TTC7A: variants seen among roughly 807,000 people sequenced by gnomAD.
The protein encoded by TTC7A is tetratricopeptide repeat domain 7A, also known as tetratricopeptide repeat protein 7A.
TTC7A carries 110 observed loss-of-function variants against 103.7 expected under a neutral mutation model. That is an observed-to-expected ratio of 1.06 (90% CI 0.91 to 1.24). The LOEUF is 1.24. TTC7A is among the 50% of genes most tolerant of loss of function. The probability of loss-of-function intolerance (pLI) is 0.00; values close to 1 mark genes in which losing one functional copy is unlikely to be tolerated. For missense variants in TTC7A, 1,340 were observed against 1,116.3 expected, an observed-to-expected ratio of 1.20 and a Z score of -2.86; for synonymous variants, 521 against 467.9, an observed-to-expected ratio of 1.11 and a Z score of -1.47.
intron 18 of TTC7A, among the ~76,000 whole-genome samples, chr2:47,058,518 C>G (rs1422704768): frequency 6.6e-6 from 1 of 152,230 alleles, no homozygotes; most frequent in African/African-American, 2.4e-5. Flanking sequence ...TTGGGCATCT[C>G]TGTTCTCTAT....
In TTC7A at chr2:46,953,451, G is replaced by A. The variant is rs147380014; in HGVS notation, c.348+2925G>A. ...ATTACAGGCGTGAGCCACCATGCCCGGCCATCATTTGTAGTATTTTCTATC... is the reference window on the plus strand; with the variant it reads ...ATTACAGGCGTGAGCCACCATGCCCAGCCATCATTTGTAGTATTTTCTATC... On this transcript the variant is annotated intron_variant, in intron 2 of 19. Coordinates refer to ENST00000319190, the MANE Select transcript of TTC7A (RefSeq NM_020458.4). 2.4e-3 allele frequency among the ~76,000 whole-genome samples: 364 copies of A among 151,970 alleles called. 1 individual carries two copies. The highest frequency in any genetic ancestry group is 3.6e-3 in the Non-Finnish European group (243 of 67,936).
chr2:47,073,905 C>T lies in TTC7A; in HGVS notation c.2559C>T (p.Ile853=), dbSNP rs368008956. Reference sequence around the variant, plus strand: ...GCAGCCCTGTACTGCCCTTCTCCATCATCCCCAGAGAGCTCTGACGACGCT... The same window carrying T: ...GCAGCCCTGTACTGCCCTTCTCCATTATCCCCAGAGAGCTCTGACGACGCT... ...EASSPVLPFS[I]IPREL is the part of the protein sequence containing the mutation. The change falls in exon 20 of 20, where the codon ATC becomes ATT. Residue 853 remains isoleucine, a synonymous_variant. Transcript: ENST00000319190. 2.9e-5 allele frequency: 47 copies of T among 1,612,580 alleles called. No individual in the cohort carries two copies. The Middle Eastern group carries it at 1.1e-3, about 39-fold the overall frequency.
intron 1 of TTC7A, chr2:46,917,122 A>G: frequency 2.9e-6 from 2 of 693,586 alleles, no homozygotes; most frequent in Non-Finnish European, 5.2e-6. Context: ...TGAGATTGAA[A>G]TCTGCCACCC....
intron 5 of TTC7A, among the ~76,000 whole-genome samples, chr2:46,985,896 G>T (rs1034133353): frequency 6.6e-6 from 1 of 152,186 alleles, no homozygotes; most frequent in Non-Finnish European, 1.5e-5. Context: ...CCTCAGTACT[G>T]CTGATATTTT....
At chr2:47,030,209 A>G (rs1680383870) in intron 15 of TTC7A, among the ~76,000 whole-genome samples, 1 of 152,228 alleles carries the variant, frequency 6.6e-6, no homozygotes, top group Non-Finnish European at 1.5e-5. Flanking sequence ...GTCCCCCTGC[A>G]GACAGCAAGG....
At chr2:46,939,253 A>G (rs1228712838), upstream of TTC7A, among the ~76,000 whole-genome samples, 1 of 152,006 alleles carries the variant, frequency 6.6e-6, no homozygotes, top group Non-Finnish European at 1.5e-5. Flanking sequence ...AAAACAAGTC[A>G]CTAAGGAAGG....
intron 15 of TTC7A, among the ~76,000 whole-genome samples, chr2:47,036,467 G>A (rs61650705): frequency 0.021 from 3,227 of 152,336 alleles, 101 homozygotes; most frequent in African/African-American, 0.073. Context: ...AAGAAGAGCT[G>A]CTAAAAAATG....
intron 14 of TTC7A, among the ~76,000 whole-genome samples, chr2:47,026,626 C>T (rs1443253566): frequency 6.6e-6 from 1 of 152,148 alleles, no homozygotes; most frequent in Non-Finnish European, 1.5e-5. Flanking sequence ...ACGCAGCTCC[C>T]AGGCCTGAGA....
chr2:47,026,503 G>C (rs954888547), intron 14 of TTC7A, among the ~76,000 whole-genome samples: 1 of 152,208 alleles, frequency 6.6e-6, no homozygotes, highest in Non-Finnish European at 1.5e-5. Flanking sequence ...AAGGCCCCGC[G>C]AGAAGGGTGG....
At chr2:47,021,755 T>A in intron 11 of TTC7A, 107 bp from the exon 12 acceptor site, 1 of 862,500 alleles carries the variant, frequency 1.2e-6, no homozygotes, top group Non-Finnish European at 1.9e-6. Flanking sequence ...TAAGGCCCTG[T>A]GACCTTGAGC....
intron 2 of TTC7A, among the ~76,000 whole-genome samples, chr2:46,928,400 C>G (rs1177407884): frequency 6.8e-6 from 1 of 146,162 alleles, no homozygotes; most frequent in Non-Finnish European, 1.5e-5. Flanking sequence ...TTAACTGAGG[C>G]TAGAATCTCA....
chr2:47,069,045 G>C (rs1281746502), intron 19 of TTC7A, among the ~76,000 whole-genome samples: 1 of 152,038 alleles, frequency 6.6e-6, no homozygotes, highest in Non-Finnish European at 1.5e-5. Context: ...CCCCATCACG[G>C]GGACTCACTT....
At chr2:46,956,509 CCT>C in intron 2 of TTC7A, 1 of 285,378 alleles carries the variant, frequency 3.5e-6, no homozygotes, top group Non-Finnish European at 6.7e-6. Flanking sequence ...CTGAGTGCCC[CCT>C]GGGGCTGCAG....
rs554915781 is a variant in TTC7A at position 47,060,079 on chromosome 2, G to T, written c.2153-690G>T. On this transcript the variant is annotated intron_variant, in intron 18 of 19. Coordinates refer to ENST00000319190, the MANE Select transcript of TTC7A (RefSeq NM_020458.4). ...AGACTGAGGTAGGAGGATTGCTTGA[G>T]CCCAAGAGGTCAAGGCTGCAGTGAG... 2.0e-5 allele frequency among the ~76,000 whole-genome samples: 3 copies of T among 152,224 alleles called. No individual in the cohort carries two copies. In the South Asian group the frequency reaches 6.2e-4, roughly 32 times the overall value.
rs779142612 is a variant in TTC7A at position 46,995,218 on chromosome 2, T to A, written c.1065+19T>A. The A allele has an allele frequency of 6.2e-7, 1 of 1,613,410 alleles. No homozygotes were observed. Among genetic ancestry groups the A allele is most frequent in the Non-Finnish European group, 8.5e-7 (1 of 1,179,632 alleles). ...ATCCATGGTAAGCTCCAGGATGTCC[T>A]TCAGGGGCCTCTGGCCCTCTGACCC... On this transcript the variant is annotated intron_variant, in intron 8 of 19. Transcript: ENST00000319190.
intron 19 of TTC7A, 84 bp from the exon 20 acceptor site, chr2:47,073,618 C>T: frequency 8.5e-7 from 1 of 1,180,754 alleles, no homozygotes; most frequent in South Asian, 1.3e-5. Context: ...CTGCTGCCAC[C>T]CGTGCACCTG....
At chr2:46,931,944 G>A (rs780144783) in intron 2 of TTC7A, among the ~76,000 whole-genome samples, 13 of 152,040 alleles carry the variant, frequency 8.6e-5, no homozygotes, top group African/African-American at 1.4e-4. Flanking sequence ...ATGTGAGGAC[G>A]GTTTAACCTT....
At chr2:47,072,424 G>A (rs757078022) in intron 19 of TTC7A, among the ~76,000 whole-genome samples, 4 of 152,154 alleles carry the variant, frequency 2.6e-5, no homozygotes, top group African/African-American at 4.8e-5. Context: ...CTTCCTGAGC[G>A]CCATCTTTCA....
chr2:46,941,673 C>T lies in TTC7A; in HGVS notation c.132C>T (p.Gly44=), dbSNP rs1403661278. ...RQLQTLSMPG[G]GGNRRGSPSA... is the part of the protein sequence containing the mutation. ...TGCAGACGCTGAGCATGCCCGGCGG[C>T]GGAGGTAACAGGCGAGGCAGCCCGA... The change falls in exon 1 of 20, where the codon GGC becomes GGT. Residue 44 remains glycine (G), a synonymous_variant. Coordinates refer to ENST00000319190, the MANE Select transcript of TTC7A (RefSeq NM_020458.4). The surrounding 1 kb of genome is among the most constrained non-coding windows in gnomAD (Gnocchi z 4.2). 5 of 1,551,808 alleles carry T rather than the reference C, an allele frequency of 3.2e-6. No homozygotes were observed. Among genetic ancestry groups the T allele is most frequent in the Admixed American group, 2.0e-5 (1 of 51,160 alleles).
Sources: gnomAD v4.1 joint callset for allele counts (sites outside exome capture counted in the v4.1 genomes callset) on GRCh38, gnomAD v4.1.1 for gene constraint, Gnocchi (gnomAD v3.1) non-coding constraint, MANE v1.5 for transcripts, NCBI Gene and HGNC (gene_info 2026-07-23, HGNC 2026-07-21) for gene names.